The following CLASP1 variants were observed in gnomAD, a reference collection of about 807,000 sequenced individuals.
CLASP1 encodes cytoplasmic linker associated protein 1.
CLASP1 carries 38 observed loss-of-function variants against 192.3 expected under a neutral mutation model. That is an observed-to-expected ratio of 0.20 (90% CI 0.15 to 0.26). The LOEUF is 0.26. Ranked by LOEUF, CLASP1 falls within the 10% of genes least tolerant of loss-of-function variation. The pLI is 1.00. For synonymous variants in CLASP1, 691 were observed against 712.8 expected, an observed-to-expected ratio of 0.97 and a Z score of 0.49; for missense variants, 1,433 against 1,932.5, an observed-to-expected ratio of 0.74 and a Z score of 4.85.
rs1478474955 is a variant in CLASP1, at chr2:121,479,050, C to A, written c.713-9090G>T. ...CACACACCCCACACACACACACACC[C>A]CCCCCCCACACACACACACACACAC... On this transcript the variant is annotated intron_variant, in intron 8 of 39. Transcript: ENST00000263710. 4.8e-3 allele frequency among the ~76,000 whole-genome samples: 395 copies of A among 82,298 alleles called. 42 individuals carry two copies. Among genetic ancestry groups the A allele is most frequent in the African/African-American group, 0.019 (380 of 19,614 alleles). 54.0% of individuals were successfully genotyped at this position (82,298 alleles called of 152,430 possible).
At chr2:121,378,993 G>A (rs1300236583) in intron 33 of CLASP1, among the ~76,000 whole-genome samples, 1 of 151,498 alleles carries the variant, frequency 6.6e-6, no homozygotes, top group Non-Finnish European at 1.5e-5. Flanking sequence ...AAAAGTTGGG[G>A]CAGATGAGCA....
chr2:121,621,204 G>C (rs772469158), intron 1 of CLASP1, among the ~76,000 whole-genome samples: 7 of 151,976 alleles, frequency 4.6e-5, no homozygotes, highest in Non-Finnish European at 8.8e-5. Context: ...CTCAGCGACA[G>C]AGTGAGAACC....
intron 3 of CLASP1, among the ~76,000 whole-genome samples, chr2:121,528,997 A>T (rs921761249): frequency 6.6e-6 from 1 of 152,152 alleles, no homozygotes; most frequent in Non-Finnish European, 1.5e-5. Context: ...GGACAGATAC[A>T]CTATTTGTCT....
intron 8 of CLASP1, among the ~76,000 whole-genome samples, chr2:121,478,999 CACACCACACACACACACCACACA>C (rs2092318293): frequency 1.0e-5 from 1 of 97,924 alleles, no homozygotes; most frequent in African/African-American, 4.2e-5. Flanking sequence ...ACCCCACACA[CACACCACACACACACACCACACA>C]CACACACACC....
At chr2:121,622,260 G>A (rs1411291394) in intron 1 of CLASP1, among the ~76,000 whole-genome samples, 1 of 151,894 alleles carries the variant, frequency 6.6e-6, no homozygotes, top group Non-Finnish European at 1.5e-5. Flanking sequence ...ATCTTTCAAT[G>A]ATGTTTTATA....
intron 37 of CLASP1, among the ~76,000 whole-genome samples, chr2:121,359,547 G>A (rs763034626): frequency 7.9e-5 from 12 of 152,096 alleles, no homozygotes; most frequent in Non-Finnish European, 1.6e-4. Flanking sequence ...GAGTTCTCTT[G>A]GAAACAGAAA....
At chr2:121,615,769 G>C (rs2066348057) in intron 1 of CLASP1, among the ~76,000 whole-genome samples, 1 of 151,896 alleles carries the variant, frequency 6.6e-6, no homozygotes, top group East Asian at 1.9e-4. Context: ...GGGTGACAAA[G>C]CAAGACTCTG....
At chr2:121,559,065 C>T (rs1026404140) in intron 2 of CLASP1, among the ~76,000 whole-genome samples, 2 of 152,164 alleles carry the variant, frequency 1.3e-5, no homozygotes, top group African/African-American at 4.8e-5. Context: ...TTTAGAGCCA[C>T]GGCACTGTGA....
At chr2:121,579,958 G>C (rs755389304) in intron 2 of CLASP1, among the ~76,000 whole-genome samples, 3 of 152,134 alleles carry the variant, frequency 2.0e-5, no homozygotes, top group Admixed American at 2.0e-4. Context: ...AAAATTCATC[G>C]AAACAGTTCA....
intron 1 of CLASP1, among the ~76,000 whole-genome samples, chr2:121,613,319 T>C (rs1367697505): frequency 6.6e-6 from 1 of 152,102 alleles, no homozygotes; most frequent in Non-Finnish European, 1.5e-5. Flanking sequence ...GCCAAAACAA[T>C]AAAAGGTCAA....
intron 2 of CLASP1, among the ~76,000 whole-genome samples, chr2:121,561,266 G>A (rs1414667827): frequency 3.3e-5 from 5 of 152,120 alleles, no homozygotes; most frequent in African/African-American, 7.2e-5. Flanking sequence ...GTATACTATA[G>A]GTTTGATCTT....
intron 2 of CLASP1, chr2:121,531,031 T>TA (rs1559536153): frequency 1.0e-5 from 7 of 699,970 alleles, no homozygotes; most frequent in African/African-American, 3.5e-5. Context: ...TTCATAGACT[T>TA]ATCAGTTCAA....
At chr2:121,538,106 A>C (rs940155570) in intron 2 of CLASP1, among the ~76,000 whole-genome samples, 3 of 152,100 alleles carry the variant, frequency 2.0e-5, no homozygotes, top group African/African-American at 7.2e-5. Context: ...TAGCTAACTA[A>C]TTTTGGCAAG....
chr2:121,644,527 G>A (rs987746898), intron 1 of CLASP1, among the ~76,000 whole-genome samples: 1 of 152,112 alleles, frequency 6.6e-6, no homozygotes, highest in African/African-American at 2.4e-5. Flanking sequence ...GTGCCACCAC[G>A]CCTGTAGTCC....
Position 121,646,153 on chromosome 2 carries a change from T to A in CLASP1, c.-286+3219A>T, listed in dbSNP as rs141829216. Among the ~76,000 whole-genome samples the A allele has an allele frequency of 3.3e-3, 508 of 152,316 alleles. 4 individuals are homozygous for A. The highest frequency in any genetic ancestry group is 0.011 in the African/African-American group (468 of 41,554). ...TTTTAGACAAGGTATCACTCTGTCA[T>A]CCAAGCTATAATGCAGTGGCACGAT... On this transcript the variant is annotated intron_variant, in intron 1 of 39. Transcript: ENST00000263710.
At chr2:121,393,502 T>C (rs1291386097) in intron 30 of CLASP1, among the ~76,000 whole-genome samples, 1 of 152,206 alleles carries the variant, frequency 6.6e-6, no homozygotes, top group Non-Finnish European at 1.5e-5. Flanking sequence ...ATCTTATCAA[T>C]TTTAGATCTT....
intron 19 of CLASP1, among the ~76,000 whole-genome samples, chr2:121,438,557 C>G (rs900148395): frequency 2.0e-5 from 3 of 152,200 alleles, no homozygotes; most frequent in Admixed American, 2.0e-4. Flanking sequence ...ACATCAATAA[C>G]TAAGCCCTTT....
intron 1 of CLASP1, among the ~76,000 whole-genome samples, chr2:121,623,087 T>TA (rs1266356264): frequency 2.0e-5 from 3 of 151,972 alleles, no homozygotes; most frequent in African/African-American, 4.8e-5. Flanking sequence ...TATATAAATT[T>TA]TAAAAAATTA....
At chr2:121,555,288 A>G (rs1477213577) in intron 2 of CLASP1, among the ~76,000 whole-genome samples, 1 of 152,164 alleles carries the variant, frequency 6.6e-6, no homozygotes, top group Non-Finnish European at 1.5e-5. Context: ...TTCAAGCCTC[A>G]TCAACTCCAG....
Sources: allele counts gnomAD v4.1 joint callset (sites outside exome capture counted in the v4.1 genomes callset), GRCh38; gene constraint gnomAD v4.1.1; transcripts MANE v1.5; gene names NCBI Gene and HGNC (gene_info 2026-07-23, HGNC 2026-07-21).